IFI27L1: variants seen among roughly 807,000 people sequenced by gnomAD.
IFI27L1 encodes the protein interferon alpha inducible protein 27 like 1.
IFI27L1 carries 3 observed loss-of-function variants against 9.2 expected under a neutral mutation model. The observed-to-expected ratio is 0.32, with a 90% confidence interval of 0.15 to 0.84. The LOEUF (loss-of-function observed/expected upper bound fraction) is 0.84, where lower values mean the gene tolerates loss of function less well. Among genes scored for constraint, IFI27L1 ranks in the 40% least tolerant of loss-of-function variants. The pLI is 0.56. For synonymous variants in IFI27L1, 53 were observed against 50.0 expected, an observed-to-expected ratio of 1.06 and a Z score of -0.26; for missense variants, 133 against 134.2, an observed-to-expected ratio of 0.99 and a Z score of 0.05.
intron 2 of IFI27L1, chr14:94,100,129 G>C: frequency 4.0e-6 from 1 of 250,802 alleles, no homozygotes; most frequent in South Asian, 1.5e-4. Context: ...CACGTTTTTG[G>C]GAAATGTCAT....
chr14:94,100,756 G>A lies in IFI27L1; in HGVS notation c.46G>A (p.Ala16Thr). 3 of 1,613,670 alleles carry A rather than the reference G, an allele frequency of 1.9e-6. No homozygotes were observed. The highest frequency in any genetic ancestry group is 2.5e-6 in the Non-Finnish European group (3 of 1,179,918). Residue 16 changes from alanine to threonine, a missense_variant, in exon 3 of 5, where the codon GCT becomes ACT. Transcript: ENST00000555523. ...GTCTCCAGGCAGGGCTGCTGTAGCAGCTGTGGTCGGAGGAGGTGAGTCTCT... is the reference window on the plus strand; with the variant it reads ...GTCTCCAGGCAGGGCTGCTGTAGCAACTGTGGTCGGAGGAGGTGAGTCTCT... ...GWDSGRAAVA[A>T]VVGGVVAVGT...
chr14:94,096,858 C>T (rs1886689986), intron 1 of IFI27L1, 29 bp from the exon 2 acceptor site: 1 of 1,308,898 alleles, frequency 7.6e-7, no homozygotes, highest in African/African-American at 1.4e-5. Flanking sequence ...CAAACCAGAT[C>T]CTGAATAAAG....
chr14:94,088,113 G>T, intron 1 of IFI27L1: 2 of 625,642 alleles, frequency 3.2e-6, no homozygotes, highest in South Asian at 1.8e-5. Flanking sequence ...TTCCCCATAT[G>T]CCAGTTCTGC....
chr14:94,100,977 C>A, intron 3 of IFI27L1: 1 of 627,036 alleles, frequency 1.6e-6, no homozygotes. Flanking sequence ...GCAGCCAGAG[C>A]TGGGGCTACT....
In IFI27L1 at chr14:94,100,725, G is replaced by T; in HGVS notation, c.29-14G>T. ...TTGTTTGTTTGTTGTTGTTGTTGTT[G>T]TTTTTGTCTCCAGGCAGGGCTGCTG... On this transcript the variant is annotated splice_polypyrimidine_tract_variant and intron_variant, in intron 2 of 4. Coordinates refer to ENST00000555523, the MANE Select transcript of IFI27L1 (RefSeq NM_206949.3). 6.2e-7 allele frequency: 1 copy of T among 1,612,842 alleles called. No homozygotes were observed. The highest frequency in any genetic ancestry group is 8.5e-7 in the Non-Finnish European group (1 of 1,179,902).
chr14:94,091,321 C>T (rs1381070324), intron 1 of IFI27L1, among the ~76,000 whole-genome samples: 1 of 152,172 alleles, frequency 6.6e-6, no homozygotes, highest in Non-Finnish European at 1.5e-5. Context: ...CTATGGCATA[C>T]AACAATTTTA....
At chr14:94,097,778 G>C in intron 2 of IFI27L1, 1 of 685,574 alleles carries the variant, frequency 1.5e-6, no homozygotes, top group Middle Eastern at 2.3e-4. Flanking sequence ...AGAGAACGGG[G>C]CTGCCCTTTA....
intron 1 of IFI27L1, among the ~76,000 whole-genome samples, chr14:94,092,400 A>G (rs1239644846): frequency 6.6e-6 from 1 of 151,842 alleles, no homozygotes; most frequent in Non-Finnish European, 1.5e-5. Flanking sequence ...AATCCCAGCT[A>G]CTCAGGAGGC....
At chr14:94,095,691 T>C (rs1444934801) in intron 1 of IFI27L1, among the ~76,000 whole-genome samples, 1 of 152,080 alleles carries the variant, frequency 6.6e-6, no homozygotes, top group Non-Finnish European at 1.5e-5. Context: ...CAACCAGCTC[T>C]TGCATGAACA....
intron 1 of IFI27L1, among the ~76,000 whole-genome samples, chr14:94,083,932 G>T (rs2141444103): frequency 6.6e-6 from 1 of 151,994 alleles, no homozygotes; most frequent in East Asian, 1.9e-4. Context: ...TTTAAAAAAA[G>T]AAAAAGAAAG....
At chr14:94,098,837 C>T (rs980937913) in intron 2 of IFI27L1, among the ~76,000 whole-genome samples, 4 of 152,296 alleles carry the variant, frequency 2.6e-5, no homozygotes, top group African/African-American at 9.6e-5. Flanking sequence ...TTGCATTAGA[C>T]CCTCCCACTA....
Position 94,102,565 on chromosome 14 carries a change from C to G in IFI27L1, c.312C>G (p.Ser104Arg). ...LGAWLGSPPSS is the reference protein window; with the variant it reads ...LGAWLGSPPSR ...CCTGGCTGGGTTCACCCCCTTCCAG[C>G]TGAACACCACACTGAGGCAGGGAGT... The change falls in exon 5 of 5, where the codon AGC (serine) becomes AGG (arginine). Residue 104 changes from serine to arginine, a missense_variant. By Grantham distance (110) the Ser-to-Arg change is moderately radical. Transcript: ENST00000555523. The G allele has an allele frequency of 2.6e-6, 4 of 1,543,544 alleles. No individual in the cohort carries two copies. Among genetic ancestry groups the G allele is most frequent in the Non-Finnish European group, 3.5e-6 (4 of 1,143,766 alleles).
chr14:94,086,258 T>C (rs1408657754), intron 1 of IFI27L1, among the ~76,000 whole-genome samples: 2 of 152,170 alleles, frequency 1.3e-5, no homozygotes, highest in Admixed American at 6.5e-5. Context: ...TCTGCCATGA[T>C]CGTAAGCTTC....
At chr14:94,095,968 A>G (rs1886650731) in intron 1 of IFI27L1, among the ~76,000 whole-genome samples, 1 of 152,220 alleles carries the variant, frequency 6.6e-6, no homozygotes, top group Non-Finnish European at 1.5e-5. Flanking sequence ...ATTTGAGAGC[A>G]TAAGTGGGGG....
intron 1 of IFI27L1, among the ~76,000 whole-genome samples, chr14:94,090,809 A>T (rs1886450682): frequency 6.6e-6 from 1 of 152,256 alleles, no homozygotes; most frequent in Non-Finnish European, 1.5e-5. Context: ...ATCCAATTGC[A>T]AAATGAAATG....
At chr14:94,081,846 C>T (rs1886118268) in intron 1 of IFI27L1, among the ~76,000 whole-genome samples, 1 of 152,206 alleles carries the variant, frequency 6.6e-6, no homozygotes, top group Non-Finnish European at 1.5e-5. Context: ...CTCTCCCTTT[C>T]CTTGGGTCTC....
chr14:94,087,009 C>T (rs1886303020), intron 1 of IFI27L1, among the ~76,000 whole-genome samples: 1 of 152,032 alleles, frequency 6.6e-6, no homozygotes, highest in Admixed American at 6.5e-5. Context: ...AAATTCATGC[C>T]ATAGTAAACT....
chr14:94,095,722 A>G (rs769674458), intron 1 of IFI27L1, among the ~76,000 whole-genome samples: 1 of 152,294 alleles, frequency 6.6e-6, no homozygotes, highest in African/African-American at 2.4e-5. Flanking sequence ...GAATTTGTTC[A>G]TTACCATGGG....
chr14:94,090,814 G>T (rs1886450892), intron 1 of IFI27L1, among the ~76,000 whole-genome samples: 1 of 152,188 alleles, frequency 6.6e-6, no homozygotes, highest in Admixed American at 6.5e-5. Flanking sequence ...ATTGCAAAAT[G>T]AAATGGATTC....
Sources: allele counts gnomAD v4.1 joint callset (sites outside exome capture counted in the v4.1 genomes callset), GRCh38; gene constraint gnomAD v4.1.1; transcripts MANE v1.5; gene names NCBI Gene and HGNC (gene_info 2026-07-23, HGNC 2026-07-21).